ZFP82: variants seen among roughly 807,000 people sequenced by gnomAD.
ZFP82 encodes ZFP82 zinc finger protein.
A neutral mutation model predicts 54.0 loss-of-function variants in ZFP82; 30 were observed. The ratio of observed to expected loss-of-function variants is 0.56; its 90% CI spans 0.42 to 0.75. ZFP82 has a LOEUF of 0.75. Ranked by LOEUF, ZFP82 falls within the 30% of genes least tolerant of loss-of-function variation. ZFP82 has a pLI of 0.00. For missense variants in ZFP82, 500 were observed against 636.8 expected, an observed-to-expected ratio of 0.79 and a Z score of 2.31; for synonymous variants, 194 against 209.5, an observed-to-expected ratio of 0.93 and a Z score of 0.64.
intron 2 of ZFP82, among the ~76,000 whole-genome samples, chr19:36,409,069 G>A (rs1401683890): frequency 2.0e-5 from 3 of 152,056 alleles, no homozygotes; most frequent in Non-Finnish European, 4.4e-5. Flanking sequence ...TCACAAAGAT[G>A]TCATTCTAGA....
Position 36,392,935 on chromosome 19 carries a change from G to GA in ZFP82, c.1404dup (p.Gln469SerfsTer11). ...GGTTTTTCGCCAGTATGAATGCTCT[G>GA]ATGTAGAGTAAGTTTTTGGCGCAAT... On this transcript the variant is annotated frameshift_variant, in exon 5 of 5. Transcript: ENST00000392161. LOFTEE classifies it high-confidence loss of function. The GA allele has an allele frequency of 1.2e-6, 2 of 1,613,976 alleles. No homozygotes were observed. Among genetic ancestry groups the GA allele is most frequent in the Non-Finnish European group, 1.7e-6 (2 of 1,179,946 alleles).
intron 1 of ZFP82, among the ~76,000 whole-genome samples, chr19:36,415,183 T>G (rs1284906318): frequency 2.6e-5 from 4 of 152,222 alleles, no homozygotes; most frequent in African/African-American, 9.6e-5. Flanking sequence ...TCAATTGTTG[T>G]GATTCTATTT....
chr19:36,405,759 C>A, intron 3 of ZFP82, 87 bp from the exon 4 acceptor site: 1 of 898,188 alleles, frequency 1.1e-6, no homozygotes, highest in South Asian at 2.7e-5. Context: ...AAGTATATGT[C>A]AAAACAGTAA....
rs147971316 is a variant in ZFP82 at position 36,402,401 on chromosome 19, G to A, written c.229+3179C>T. Among the ~76,000 whole-genome samples the A allele has an allele frequency of 4.9e-3, 701 of 144,396 alleles. 6 individuals carry two copies. The highest frequency in any genetic ancestry group is 0.017 in the African/African-American group (663 of 38,172). The allele number at this position is 144,396 out of a possible 152,430, so 94.7% of individuals were successfully genotyped here. ...AGAGAACGGCGTGAACCCAGGAAGC[G>A]GAGCTTGAAGTGAGCTGAGATCACG... On this transcript the variant is annotated intron_variant, in intron 4 of 4. Coordinates refer to ENST00000392161, the MANE Select transcript of ZFP82 (RefSeq NM_133466.4).
At chr19:36,416,651 G>A (rs2032674453) in intron 1 of ZFP82, among the ~76,000 whole-genome samples, 1 of 151,600 alleles carries the variant, frequency 6.6e-6, no homozygotes, top group African/African-American at 2.4e-5. Context: ...AGCTACTAGG[G>A]TGGCTGAGGC....
At chr19:36,385,976 T>G (rs1379269649), downstream of ZFP82, among the ~76,000 whole-genome samples, 1 of 152,216 alleles carries the variant, frequency 6.6e-6, no homozygotes, top group African/African-American at 2.4e-5. Context: ...ATTTGCAGCC[T>G]GGCCATTTAT....
chr19:36,405,483 T>TCCTCCTTGGGC (rs2032464774), intron 4 of ZFP82, 97 bp downstream of exon 4: 2 of 876,780 alleles, frequency 2.3e-6, no homozygotes, highest in South Asian at 2.3e-5. Flanking sequence ...CACAGACCTT[T>TCCTCCTTGGGC]CAAGAGGGCT....
chr19:36,391,562 G>A lies in ZFP82; in HGVS notation c.*1179C>T, dbSNP rs2032200116. ...AGCTCACTGAAGCCTCAACTCTTGG[G>A]TTCAAATGATCCTCCCACCTCAGCC... On this transcript the variant is annotated 3_prime_UTR_variant, in exon 5 of 5. Transcript: ENST00000392161. 1 of 151,844 alleles carries A rather than the reference G, an allele frequency of 6.6e-6. No homozygotes were observed. The allele number at this position is 151,844 out of a possible 1,614,324, so 9.4% of individuals were successfully genotyped here. A position where few individuals can be genotyped will look rare whatever the true frequency, so the allele number is the denominator to read the frequency against.
intron 3 of ZFP82, among the ~76,000 whole-genome samples, chr19:36,407,415 A>T (rs998385912): frequency 1.3e-5 from 2 of 152,230 alleles, no homozygotes; most frequent in South Asian, 4.1e-4. Flanking sequence ...GTAAAACTGA[A>T]TATGATTGTT....
chr19:36,405,227 T>C (rs1298808417), intron 4 of ZFP82, among the ~76,000 whole-genome samples: 1 of 144,788 alleles, frequency 6.9e-6, no homozygotes, highest in Non-Finnish European at 1.5e-5. Context: ...GGAAAGCAAC[T>C]GAATCAAAAT....
chr19:36,386,446 C>G (rs549947640), downstream of ZFP82, among the ~76,000 whole-genome samples: 1 of 152,346 alleles, frequency 6.6e-6, no homozygotes, highest in South Asian at 2.1e-4. Context: ...CCCACTAGGA[C>G]AGTGCCTAAT....
chr19:36,402,385 C>A (rs543184798), intron 4 of ZFP82, among the ~76,000 whole-genome samples: 1 of 138,912 alleles, frequency 7.2e-6, no homozygotes, highest in Non-Finnish European at 1.5e-5. Context: ...AAGAGAACGG[C>A]GTGAACCCAG....
Position 36,392,768 on chromosome 19 carries a change from A to T in ZFP82, c.1572T>A (p.His524Gln). 1 of 1,567,872 alleles carries T rather than the reference A, an allele frequency of 6.4e-7. No homozygotes were observed. The highest frequency in any genetic ancestry group is 1.2e-5 in the South Asian group (1 of 83,762). Residue 524 changes from histidine (H) to glutamine (Q), a missense_variant, in exon 5 of 5, where the codon CAT (histidine) becomes CAA (glutamine). His to Gln is a conservative substitution (Grantham distance 24, BLOSUM62 0). Coordinates refer to ENST00000392161, the MANE Select transcript of ZFP82 (RefSeq NM_133466.4). ...AGATTTTTACATTATGAATTTTCAGATGATGAGTAAGGTGTGAATGTTGCC... is the reference window on the plus strand; with the variant it reads ...AGATTTTTACATTATGAATTTTCAGTTGATGAGTAAGGTGTGAATGTTGCC... ...AFRQHSHLTH[H>Q]LKIHNVKI
chr19:36,402,949 T>G (rs1361845139), intron 4 of ZFP82, among the ~76,000 whole-genome samples: 1 of 151,144 alleles, frequency 6.6e-6, no homozygotes, highest in Non-Finnish European at 1.5e-5. Context: ...CCATCCTGGC[T>G]AACACGGTGA....
intron 1 of ZFP82, among the ~76,000 whole-genome samples, chr19:36,413,110 T>C (rs1320386491): frequency 1.3e-5 from 2 of 152,016 alleles, no homozygotes; most frequent in Admixed American, 1.3e-4. Flanking sequence ...TGCAAGAGAG[T>C]TCATCAAAGA....
intron 4 of ZFP82, chr19:36,395,362 C>G (rs2032275564): frequency 6.6e-6 from 1 of 152,188 alleles, no homozygotes; most frequent in South Asian, 2.1e-4. Flanking sequence ...CCCTCATAGT[C>G]AAGGCCATTC....
downstream of ZFP82, among the ~76,000 whole-genome samples, chr19:36,386,934 C>CA (rs71171435): frequency 3.3e-5 from 5 of 151,942 alleles, no homozygotes; most frequent in East Asian, 1.9e-4. Context: ...GACTCCGTCT[C>CA]AAAAAAAAGA....
At chr19:36,387,607 C>T (rs1392875341), downstream of ZFP82, among the ~76,000 whole-genome samples, 1 of 152,106 alleles carries the variant, frequency 6.6e-6, no homozygotes, top group Non-Finnish European at 1.5e-5. Context: ...GTAAATTACC[C>T]AGTCTGTGGT....
At chr19:36,396,569 T>C (rs1324606634) in intron 4 of ZFP82, among the ~76,000 whole-genome samples, 1 of 151,886 alleles carries the variant, frequency 6.6e-6, no homozygotes, top group Non-Finnish European at 1.5e-5. Context: ...GGCAGGAGAA[T>C]GGCGTGAACC....
Sources: gnomAD v4.1 joint callset for allele counts (sites outside exome capture counted in the v4.1 genomes callset) on GRCh38, gnomAD v4.1.1 for gene constraint, MANE v1.5 for transcripts, NCBI Gene and HGNC (gene_info 2026-07-23, HGNC 2026-07-21) for gene names.